The following MYH11 variants were observed in gnomAD, a reference collection of about 807,000 sequenced individuals.
MYH11 encodes the protein myosin-11.
In MYH11, 80 loss-of-function variants were observed where a neutral mutation model predicts 246.6. That is an observed-to-expected ratio of 0.32 (90% confidence interval 0.27 to 0.39). MYH11 has a LOEUF of 0.39. Ranked by LOEUF, MYH11 falls within the 10% of genes least tolerant of loss-of-function variation. The probability of loss-of-function intolerance (pLI) is 1.00; values close to 1 mark genes in which losing one functional copy is unlikely to be tolerated. For missense variants in MYH11, 2,158 were observed against 2,546.8 expected (o/e 0.85, Z 3.29); for synonymous variants, 1,071 against 1,015.5 (o/e 1.05, Z -1.04).
chr16:15,735,437 G>A lies in MYH11; in HGVS notation c.3435C>T (p.Gly1145=), dbSNP rs776410055. The change falls in exon 26 of 41, where the codon GGC becomes GGT. Residue 1145 remains glycine (G), a synonymous_variant. Coordinates refer to ENST00000300036, the MANE Select transcript of MYH11 (RefSeq NM_002474.3). ...NKAEKQKRDL[G]EELEALKTEL... ...CTGTCTTTAGGGCCTCCAGCTCCTC[G>A]CCGAGGTCTCGCTTCTGCTTTTCAG... 1.1e-5 allele frequency: 17 copies of A among 1,613,988 alleles called. No individual in the cohort carries two copies. The highest frequency in any genetic ancestry group is 1.6e-4 in the Middle Eastern group (1 of 6,080).
chr16:15,716,664 G>C (rs1440595036), intron 38 of MYH11, among the ~76,000 whole-genome samples: 1 of 152,172 alleles, frequency 6.6e-6, no homozygotes, highest in Non-Finnish European at 1.5e-5. Flanking sequence ...TGAGATAATA[G>C]GCATGTGCCA....
chr16:15,754,205 A>C (rs1021451193), intron 14 of MYH11, among the ~76,000 whole-genome samples: 7 of 152,130 alleles, frequency 4.6e-5, no homozygotes, highest in African/African-American at 1.7e-4. Context: ...TGACAGAGTG[A>C]GACTCTGTCT....
chr16:15,835,172 A>G (rs139163130), intron 2 of MYH11, among the ~76,000 whole-genome samples: 2 of 152,030 alleles, frequency 1.3e-5, no homozygotes, highest in Admixed American at 6.6e-5. Context: ...TGAAATATCT[A>G]TAAGAACAGT....
chr16:15,850,861 C>G (rs1369570777), intron 1 of MYH11, among the ~76,000 whole-genome samples: 2 of 152,068 alleles, frequency 1.3e-5, no homozygotes, highest in Admixed American at 1.3e-4. Flanking sequence ...TGCCACTGCA[C>G]TCTAGCCTGG....
chr16:15,725,222 C>T (rs2040696454), intron 28 of MYH11: 1 of 607,856 alleles, frequency 1.6e-6, no homozygotes, highest in Non-Finnish European at 2.9e-6. Context: ...GGGACCCTGG[C>T]CCTAGACTCT....
intron 3 of MYH11, among the ~76,000 whole-genome samples, chr16:15,803,811 G>C (rs540026578): frequency 1.3e-5 from 2 of 152,292 alleles, no homozygotes; most frequent in African/African-American, 4.8e-5. Flanking sequence ...AGAGGGAGCG[G>C]GCTCCAGGAG....
At chr16:15,812,760 C>A (rs899164838) in intron 3 of MYH11, among the ~76,000 whole-genome samples, 1 of 151,956 alleles carries the variant, frequency 6.6e-6, no homozygotes, top group Non-Finnish European at 1.5e-5. Flanking sequence ...GCAGTCCCAG[C>A]TACTTGGGGA....
chr16:15,724,532 A>C (rs1189848318), intron 30 of MYH11, 115 bp downstream of exon 30: 1 of 1,606,064 alleles, frequency 6.2e-7, no homozygotes, highest in African/African-American at 1.3e-5. Context: ...TAGCAGGGGA[A>C]GCTGGGGGGT....
chr16:15,834,913 T>A (rs866110814), intron 2 of MYH11, among the ~76,000 whole-genome samples: 3,794 of 147,998 alleles, frequency 0.026, 152 homozygotes, highest in African/African-American at 0.088. Flanking sequence ...CTACAGAAGT[T>A]TTTTTTTTTT....
chr16:15,841,718 T>C (rs777915831), intron 1 of MYH11, among the ~76,000 whole-genome samples: 2 of 152,218 alleles, frequency 1.3e-5, no homozygotes, highest in Non-Finnish European at 2.9e-5. Flanking sequence ...TCTCTGACCA[T>C]AGCTGCAGGG....
At chr16:15,755,702 G>C (rs538445199) in intron 14 of MYH11, among the ~76,000 whole-genome samples, 1 of 152,324 alleles carries the variant, frequency 6.6e-6, no homozygotes, top group Admixed American at 6.5e-5. Flanking sequence ...GGAGGCCGAG[G>C]CGGGTGGATC....
rs1186729647 is a variant in MYH11, at chr16:15,780,419, CTGTT to C, written c.727-1580_727-1577del. ...ACCTGCCACTCATGGAGGTAAAAATCTGTTTGTAATTAGCCAGGCTTAGAACCTA... is the reference window on the plus strand; with the variant it reads ...ACCTGCCACTCATGGAGGTAAAAATCTGTAATTAGCCAGGCTTAGAACCTA... On this transcript the variant is annotated intron_variant, in intron 6 of 40. Transcript: ENST00000300036. Among the ~76,000 whole-genome samples, 19 of 144,194 alleles carry C rather than the reference CTGTT, an allele frequency of 1.3e-4. No homozygotes were observed. In the Admixed American group the frequency reaches 1.3e-3, roughly 10 times the overall value. The allele number at this position is 144,194 out of a possible 152,430, so 94.6% of individuals were successfully genotyped here. A position where few individuals can be genotyped will look rare whatever the true frequency, so the allele number is the denominator to read the frequency against.
chr16:15,703,484 A>G lies in MYH11; in HGVS notation c.*507T>C. On this transcript the variant is annotated 3_prime_UTR_variant, in exon 41 of 41. Transcript: ENST00000300036. The stretch of plus-strand genomic sequence containing the variant: ...TTTCTAAAAACTCAGTGTCTGCACA[A>G]TCCATTGATAGAACTGGAGGATGTG... 1 of 271,504 alleles carries G rather than the reference A, an allele frequency of 3.7e-6. No homozygotes were observed. Among genetic ancestry groups the G allele is most frequent in the South Asian group, 9.0e-5 (1 of 11,148 alleles). 16.8% of individuals were successfully genotyped at this position (271,504 alleles called of 1,614,324 possible).
intron 7 of MYH11, among the ~76,000 whole-genome samples, chr16:15,777,294 G>A (rs1165683135): frequency 2.0e-5 from 3 of 152,102 alleles, no homozygotes; most frequent in Non-Finnish European, 4.4e-5. Flanking sequence ...GATAATTTTT[G>A]TATTTTTAGT....
chr16:15,732,257 C>T (rs1410721850), intron 27 of MYH11, among the ~76,000 whole-genome samples: 1 of 152,114 alleles, frequency 6.6e-6, no homozygotes, highest in Non-Finnish European at 1.5e-5. Flanking sequence ...GCCACCACGC[C>T]TGGCCTACTT....
At chr16:15,821,303 T>C (rs909991702) in intron 3 of MYH11, among the ~76,000 whole-genome samples, 1 of 152,220 alleles carries the variant, frequency 6.6e-6, no homozygotes, top group African/African-American at 2.4e-5. Context: ...TATCTTCAGA[T>C]AGTAAAAATT....
chr16:15,705,337 G>A (rs2039387467), intron 40 of MYH11, among the ~76,000 whole-genome samples: 1 of 152,134 alleles, frequency 6.6e-6, no homozygotes, highest in Non-Finnish European at 1.5e-5. Context: ...CCTTAATGCT[G>A]CCATCTCCTC....
At chr16:15,828,906 G>T (rs903222596) in intron 2 of MYH11, among the ~76,000 whole-genome samples, 1 of 151,612 alleles carries the variant, frequency 6.6e-6, no homozygotes, top group African/African-American at 2.4e-5. Flanking sequence ...GGAAGAGGCC[G>T]GGCATGGTGG....
At chr16:15,833,503 C>G (rs115553474) in intron 2 of MYH11, among the ~76,000 whole-genome samples, 1,720 of 152,138 alleles carry the variant, frequency 0.011, 42 homozygotes, top group African/African-American at 0.04. Context: ...GGCGTCAAAG[C>G]CATGCTCCCC....
Sources: gnomAD v4.1 joint callset for allele counts (sites outside exome capture counted in the v4.1 genomes callset) on GRCh38, gnomAD v4.1.1 for gene constraint, MANE v1.5 for transcripts, NCBI Gene and HGNC (gene_info 2026-07-23, HGNC 2026-07-21) for gene names.